Variants in PTPN3 observed in about 807,000 individuals in gnomAD.
PTPN3 encodes the protein protein tyrosine phosphatase non-receptor type 3.
A neutral mutation model predicts 132.7 loss-of-function variants in PTPN3; 96 were observed. The ratio of observed to expected loss-of-function variants is 0.72; its 90% CI spans 0.61 to 0.86. The LOEUF is 0.86. Ranked by LOEUF, PTPN3 falls within the 40% of genes least tolerant of loss-of-function variation. The pLI is 0.00. For missense variants in PTPN3, 1,125 were observed against 1,159.6 expected (o/e 0.97, Z 0.43); for synonymous variants, 398 against 429.0 (o/e 0.93, Z 0.89).
chr9:109,464,846 A>T (rs1241192634), intron 1 of PTPN3, among the ~76,000 whole-genome samples: 1 of 152,240 alleles, frequency 6.6e-6, no homozygotes, highest in Non-Finnish European at 1.5e-5. Context: ...GCATGATTCC[A>T]TTTATGTAAA....
the PTPN3 span, among the ~76,000 whole-genome samples, chr9:109,505,953 G>A: frequency 4.0e-5 from 6 of 151,846 alleles, no homozygotes; most frequent in East Asian, 2.0e-4. Context: ...GGGTTTCACC[G>A]TGTTAGCCAG....
intron 1 of PTPN3, among the ~76,000 whole-genome samples, chr9:109,480,919 GATGGATGC>G (rs1240856453): frequency 3.3e-5 from 5 of 152,170 alleles, no homozygotes; most frequent in Non-Finnish European, 5.9e-5. Context: ...TGGATGGATG[GATGGATGC>G]ATGGATGCAT....
intron 1 of PTPN3, among the ~76,000 whole-genome samples, chr9:109,469,850 T>A (rs1434941670): frequency 1.3e-5 from 2 of 152,206 alleles, no homozygotes; most frequent in African/African-American, 4.8e-5. Context: ...CTAGTGGCGA[T>A]CAGAGGAAGA....
chr9:109,450,947 A>G (rs1358800252), intron 5 of PTPN3: 20 of 984,798 alleles, frequency 2.0e-5, no homozygotes, highest in Admixed American at 6.1e-5. Flanking sequence ...CTTCAGAGGG[A>G]ATTTCCTTAA....
At chr9:109,393,381 T>G (rs1840292325) in intron 19 of PTPN3, among the ~76,000 whole-genome samples, 1 of 150,506 alleles carries the variant, frequency 6.6e-6, no homozygotes, top group Non-Finnish European at 1.5e-5. Flanking sequence ...TGGTTTTTTT[T>G]GTCTTTTTTT....
At chr9:109,526,046 A>G in the PTPN3 span, among the ~76,000 whole-genome samples, 1 of 152,218 alleles carries the variant, frequency 6.6e-6, no homozygotes, top group Non-Finnish European at 1.5e-5. Flanking sequence ...TACAAAATTC[A>G]TTTGTATGTG....
At chr9:109,469,368 C>G (rs908609939) in intron 1 of PTPN3, among the ~76,000 whole-genome samples, 2 of 152,212 alleles carry the variant, frequency 1.3e-5, no homozygotes, top group African/African-American at 4.8e-5. Context: ...CCTGTATTCC[C>G]AGCACTTTGG....
At chr9:109,410,698 G>A (rs1842011468) in intron 14 of PTPN3, among the ~76,000 whole-genome samples, 1 of 152,208 alleles carries the variant, frequency 6.6e-6, no homozygotes. Flanking sequence ...TTAGAAGGGT[G>A]ACAGGGAAAT....
At chr9:109,443,118 AAGGCTGG>A (rs1454855116) in intron 7 of PTPN3, among the ~76,000 whole-genome samples, 1 of 150,624 alleles carries the variant, frequency 6.6e-6, no homozygotes, top group African/African-American at 2.4e-5. Flanking sequence ...CTCTGTCACA[AAGGCTGG>A]AGTGCAATGG....
the PTPN3 span, among the ~76,000 whole-genome samples, chr9:109,509,976 C>CCG: frequency 2.0e-5 from 3 of 152,090 alleles, no homozygotes; most frequent in South Asian, 6.2e-4. Context: ...TCTTTTGTAC[C>CCG]CACAAGGAAA....
At chr9:109,532,814 GA>G in the PTPN3 span, 1 of 776,782 alleles carries the variant, frequency 1.3e-6, no homozygotes, top group Non-Finnish European at 1.8e-6. Context: ...TGATGATAGA[GA>G]TGATAAGTCG....
intron 1 of PTPN3, among the ~76,000 whole-genome samples, chr9:109,497,385 G>C (rs1329556000): frequency 6.6e-6 from 1 of 152,144 alleles, no homozygotes; most frequent in Non-Finnish European, 1.5e-5. Context: ...CCAGCTGATT[G>C]CAAGGGAGGA....
chr9:109,474,858 T>G (rs1002403849), intron 1 of PTPN3, among the ~76,000 whole-genome samples: 1 of 152,120 alleles, frequency 6.6e-6, no homozygotes, highest in Non-Finnish European at 1.5e-5. Flanking sequence ...TTACTGAGAT[T>G]AACTTCGGAG....
chr9:109,396,097 A>G lies in PTPN3; in HGVS notation c.1954-4536T>C, dbSNP rs548509214. Among the ~76,000 whole-genome samples the G allele has an allele frequency of 7.9e-5, 12 of 152,232 alleles. No homozygotes were observed. The East Asian group carries it at 1.7e-3, about 22-fold the overall frequency. On this transcript the variant is annotated intron_variant, in intron 19 of 25. Transcript: ENST00000374541. ...AGCTGGTCTTGAACTTCTGCACTCA[A>G]GCAAGCCACCCGTCTTGGCCTCCCA...
intron 23 of PTPN3, 95 bp downstream of exon 23, chr9:109,383,328 A>G: frequency 6.2e-7 from 1 of 1,601,958 alleles, no homozygotes; most frequent in Non-Finnish European, 8.5e-7. Flanking sequence ...CCAGGTGCAA[A>G]CAGAGTGCAC....
intron 14 of PTPN3, among the ~76,000 whole-genome samples, chr9:109,419,387 G>A (rs938872549): frequency 6.6e-5 from 10 of 152,116 alleles, no homozygotes; most frequent in Admixed American, 3.9e-4. Context: ...ATTAACTAAC[G>A]TGCCTGCTTG....
the PTPN3 span, among the ~76,000 whole-genome samples, chr9:109,522,679 TC>T: frequency 2.6e-5 from 4 of 152,156 alleles, no homozygotes; most frequent in Non-Finnish European, 4.4e-5. Context: ...GTGATTTATC[TC>T]CTCAGACCAA....
the PTPN3 span, among the ~76,000 whole-genome samples, chr9:109,510,572 A>AT: frequency 6.5e-3 from 356 of 54,856 alleles, 1 homozygote; most frequent in East Asian, 8.9e-3. Flanking sequence ...AAAAAAAAAA[A>AT]AAAAATATAT....
Position 109,457,147 on chromosome 9 carries a change from G to T in PTPN3, c.289+26C>A. The T allele has an allele frequency of 1.9e-6, 3 of 1,608,152 alleles. No homozygotes were observed. In the South Asian group the frequency reaches 3.3e-5, roughly 18 times the overall value. On this transcript the variant is annotated intron_variant, in intron 4 of 25. Transcript: ENST00000374541. ...TGTGATACACTAACACCTAATGTTC[G>T]ACTGAAATGAAAAGATCACACCAAC... is the stretch of plus-strand genomic sequence containing the variant.
Sources: allele counts gnomAD v4.1 joint callset (sites outside exome capture counted in the v4.1 genomes callset), GRCh38; gene constraint gnomAD v4.1.1; transcripts MANE v1.5; gene names NCBI Gene and HGNC (gene_info 2026-07-23, HGNC 2026-07-21).